SMARCC1: variants seen among roughly 807,000 people sequenced by gnomAD.
SMARCC1 encodes SWI/SNF related BAF chromatin remodeling complex subunit C1.
SMARCC1 carries 43 observed loss-of-function variants against 147.4 expected under a neutral mutation model. The observed-to-expected ratio is 0.29, with a 90% CI of 0.23 to 0.38. The LOEUF is 0.38. Ranked by LOEUF, SMARCC1 falls within the 10% of genes least tolerant of loss-of-function variation. SMARCC1 has a pLI of 1.00. For synonymous variants in SMARCC1, 495 were observed against 484.4 expected (o/e 1.02, Z -0.29); for missense variants, 1,119 against 1,381.1 (o/e 0.81, Z 3.01).
rs148124412 is a variant in SMARCC1 at position 47,745,434 on chromosome 3, C to T, written c.401+474G>A. Among the ~76,000 whole-genome samples the T allele has an allele frequency of 2.2e-4, 34 of 152,044 alleles. No individual in the cohort carries two copies. The East Asian group carries it at 5.8e-3, about 26-fold the overall frequency. ...TCCCTAATAAATACTTGGTTGTGGCCGGGTGCGGTGGCTCACGCCTGTAAT... is the reference window on the plus strand; with the variant it reads ...TCCCTAATAAATACTTGGTTGTGGCTGGGTGCGGTGGCTCACGCCTGTAAT... On this transcript the variant is annotated intron_variant, in intron 3 of 27. Coordinates refer to ENST00000254480, the MANE Select transcript of SMARCC1 (RefSeq NM_003074.4).
chr3:47,660,274 G>A (rs1354361951), intron 21 of SMARCC1, among the ~76,000 whole-genome samples: 10 of 151,646 alleles, frequency 6.6e-5, no homozygotes, highest in African/African-American at 2.4e-4. Flanking sequence ...GTGAAACCCT[G>A]TCTCTACTAA....
At chr3:47,714,364 A>T in intron 8 of SMARCC1, 51 bp downstream of exon 8, 1 of 1,179,548 alleles carries the variant, frequency 8.5e-7, no homozygotes, top group Non-Finnish European at 1.3e-6. Context: ...CGCCATCTCA[A>T]AAAAAATTTT....
At chr3:47,707,924 T>A (rs2034028420) in intron 9 of SMARCC1, among the ~76,000 whole-genome samples, 2 of 152,014 alleles carry the variant, frequency 1.3e-5, no homozygotes, top group South Asian at 4.1e-4. Flanking sequence ...ATTTTCTCTG[T>A]TGCCATCCTA....
intron 2 of SMARCC1, 85 bp from the exon 3 acceptor site, chr3:47,746,078 A>T (rs1209597789): frequency 3.7e-6 from 3 of 820,640 alleles, no homozygotes; most frequent in Admixed American, 2.7e-5. Flanking sequence ...TATAAATTCA[A>T]ATATATAAAC....
intron 10 of SMARCC1, among the ~76,000 whole-genome samples, chr3:47,704,000 G>A (rs1304023175): frequency 2.0e-5 from 3 of 151,892 alleles, no homozygotes; most frequent in Admixed American, 2.0e-4. Flanking sequence ...GCGTTTCACC[G>A]TGTTAGCCAG....
chr3:47,738,309 A>G (rs1451636174), intron 3 of SMARCC1, among the ~76,000 whole-genome samples, 199 bp from the exon 4 acceptor site: 1 of 152,234 alleles, frequency 6.6e-6, no homozygotes, highest in Non-Finnish European at 1.5e-5. Flanking sequence ...GATCCACCTC[A>G]GTGAAAATGA....
intron 5 of SMARCC1, among the ~76,000 whole-genome samples, chr3:47,729,714 C>G (rs781136417): frequency 3.9e-5 from 6 of 152,110 alleles, no homozygotes; most frequent in Non-Finnish European, 7.4e-5. Flanking sequence ...AAATTACTTC[C>G]AAAGTCATCA....
At chr3:47,766,453 A>G (rs375036041) in intron 2 of SMARCC1, among the ~76,000 whole-genome samples, 2 of 152,084 alleles carry the variant, frequency 1.3e-5, no homozygotes. Context: ...GCTTGTCCCA[A>G]CTACTCAGGA....
At chr3:47,640,644 C>T (rs190953419) in intron 21 of SMARCC1, among the ~76,000 whole-genome samples, 2 of 152,034 alleles carry the variant, frequency 1.3e-5, no homozygotes, top group African/African-American at 4.8e-5. Context: ...GGAATTCTAC[C>T]AAACTCTTAG....
chr3:47,718,679 C>CT (rs1246093872), intron 7 of SMARCC1, among the ~76,000 whole-genome samples: 1 of 151,666 alleles, frequency 6.6e-6, no homozygotes, highest in Non-Finnish European at 1.5e-5. Flanking sequence ...CACATATCAA[C>CT]TGTACCCCAA....
Position 47,697,718 on chromosome 3 carries a change from CAA to C in SMARCC1, c.1165+3558_1165+3559del, listed in dbSNP as rs373973047. On this transcript the variant is annotated intron_variant, in intron 11 of 27. Transcript: ENST00000254480. ...ATGCTAAGAACAGAAAGTTAAAGAT[CAA>C]TATCTGGACGGGCACAGTGGCTCAC... Among the ~76,000 whole-genome samples, 599 of 151,300 alleles carry C rather than the reference CAA, an allele frequency of 4.0e-3. 5 individuals carry two copies. Among genetic ancestry groups the C allele is most frequent in the African/African-American group, 0.013 (543 of 41,276 alleles).
intron 3 of SMARCC1, among the ~76,000 whole-genome samples, chr3:47,742,810 T>C (rs1443436964): frequency 6.6e-6 from 1 of 152,148 alleles, no homozygotes; most frequent in Non-Finnish European, 1.5e-5. Flanking sequence ...TTCAAACTCC[T>C]GGGCTCAAGC....
intron 5 of SMARCC1, 129 bp from the exon 6 acceptor site, chr3:47,729,223 G>C: frequency 3.3e-6 from 2 of 604,186 alleles, no homozygotes; most frequent in Non-Finnish European, 5.6e-6. Flanking sequence ...AAAAAGACTT[G>C]CTTCTTTTTA....
chr3:47,671,724 T>C (rs1381957084), intron 18 of SMARCC1, among the ~76,000 whole-genome samples: 1 of 152,248 alleles, frequency 6.6e-6, no homozygotes, highest in African/African-American at 2.4e-5. Context: ...TAGCTGATAC[T>C]ATCATGCAGC....
intron 7 of SMARCC1, among the ~76,000 whole-genome samples, chr3:47,718,744 A>G (rs2106807543): frequency 6.6e-6 from 1 of 152,130 alleles, no homozygotes; most frequent in East Asian, 1.9e-4. Context: ...AGGTGAAAGA[A>G]GACTGACTAG....
chr3:47,743,483 T>C (rs765286157), intron 3 of SMARCC1, among the ~76,000 whole-genome samples: 5 of 151,970 alleles, frequency 3.3e-5, no homozygotes, highest in Non-Finnish European at 7.4e-5. Flanking sequence ...GTATTACACG[T>C]ATCTTTCTAA....
At chr3:47,670,568 A>T (rs2033481307) in intron 19 of SMARCC1, 90 bp downstream of exon 19, 4 of 865,246 alleles carry the variant, frequency 4.6e-6, no homozygotes, top group Non-Finnish European at 7.9e-6. Context: ...TGGGTGACAC[A>T]GCGAGACCCT....
At chr3:47,678,900 A>G (rs962653244) in intron 15 of SMARCC1, among the ~76,000 whole-genome samples, 1 of 152,190 alleles carries the variant, frequency 6.6e-6, no homozygotes, top group Non-Finnish European at 1.5e-5. Flanking sequence ...TATTTCACAC[A>G]TGTCATGTGG....
chr3:47,592,551 T>G (rs1286791907), intron 26 of SMARCC1, among the ~76,000 whole-genome samples: 1 of 152,210 alleles, frequency 6.6e-6, no homozygotes, highest in Admixed American at 6.5e-5. Flanking sequence ...TTGGATATGA[T>G]GGTAAACATT....
Sources: gnomAD v4.1 joint callset for allele counts (sites outside exome capture counted in the v4.1 genomes callset) on GRCh38, gnomAD v4.1.1 for gene constraint, MANE v1.5 for transcripts, NCBI Gene and HGNC (gene_info 2026-07-23, HGNC 2026-07-21) for gene names.